The following CCDC60 variants were observed in gnomAD, a reference collection of about 807,000 sequenced individuals.
The protein encoded by CCDC60 is coiled-coil domain containing 60.
Under a neutral mutation model 63.5 loss-of-function variants are expected in CCDC60, and 54 were observed. The observed-to-expected ratio is 0.85, with a 90% confidence interval of 0.68 to 1.07. The LOEUF (loss-of-function observed/expected upper bound fraction) is 1.07, where lower values mean the gene tolerates loss of function less well. Among genes scored for constraint, CCDC60 ranks in the 50% least tolerant of loss-of-function variants. CCDC60 has a pLI of 0.00. For synonymous variants in CCDC60, 206 were observed against 238.8 expected, an observed-to-expected ratio of 0.86 and a Z score of 1.27; for missense variants, 651 against 684.3, an observed-to-expected ratio of 0.95 and a Z score of 0.54.
chr12:119,382,855 T>C (rs1344653919), intron 1 of CCDC60, among the ~76,000 whole-genome samples: 1 of 152,066 alleles, frequency 6.6e-6, no homozygotes, highest in East Asian at 1.9e-4. Context: ...CACCCACCCA[T>C]CCCAATACAC....
At chr12:119,424,635 CTATTTAACT>C (rs1265568061) in intron 1 of CCDC60, among the ~76,000 whole-genome samples, 28 of 152,142 alleles carry the variant, frequency 1.8e-4, no homozygotes, top group African/African-American at 4.6e-4. Context: ...TTTTAATCTA[CTATTTAACT>C]TATTTAACTT....
At chr12:119,438,490 T>G (rs1950371412) in intron 2 of CCDC60, among the ~76,000 whole-genome samples, 2 of 152,218 alleles carry the variant, frequency 1.3e-5, no homozygotes, top group Non-Finnish European at 2.9e-5. Flanking sequence ...AGCTGTGGGT[T>G]CAAATCCTAA....
At chr12:119,500,057 A>T (rs573012137) in intron 5 of CCDC60, 21 bp from the exon 6 acceptor site, 1 of 1,542,768 alleles carries the variant, frequency 6.5e-7, no homozygotes. Flanking sequence ...CGGAAAACTC[A>T]TTAAGCTGTT....
intron 3 of CCDC60, among the ~76,000 whole-genome samples, chr12:119,473,336 G>A (rs1201983766): frequency 6.6e-6 from 1 of 152,232 alleles, no homozygotes; most frequent in Non-Finnish European, 1.5e-5. Context: ...CCACTCTCCT[G>A]TGAGCGCAGC....
intron 1 of CCDC60, among the ~76,000 whole-genome samples, chr12:119,375,850 A>G (rs1317250943): frequency 6.6e-6 from 1 of 152,176 alleles, no homozygotes; most frequent in African/African-American, 2.4e-5. Context: ...TTCGAAATGA[A>G]TCAAGTCCTC....
chr12:119,399,525 T>A (rs1956348702), intron 1 of CCDC60, among the ~76,000 whole-genome samples: 1 of 152,172 alleles, frequency 6.6e-6, no homozygotes, highest in Non-Finnish European at 1.5e-5. Context: ...CTGCCAACAG[T>A]GCGTGTCGGG....
intron 1 of CCDC60, among the ~76,000 whole-genome samples, chr12:119,401,264 T>A (rs1956387099): frequency 1.3e-5 from 2 of 152,196 alleles, no homozygotes; most frequent in African/African-American, 2.4e-5. Context: ...TGACTCCCCA[T>A]CTACTTTGGC....
intron 13 of CCDC60, among the ~76,000 whole-genome samples, chr12:119,535,480 T>C (rs1304409214): frequency 6.6e-6 from 1 of 152,206 alleles, no homozygotes; most frequent in Non-Finnish European, 1.5e-5. Context: ...TGCTCTTGCT[T>C]GTCTAGTTCT....
intron 13 of CCDC60, among the ~76,000 whole-genome samples, chr12:119,534,744 C>A (rs1013439754): frequency 1.1e-4 from 17 of 152,148 alleles, no homozygotes; most frequent in African/African-American, 4.1e-4. Flanking sequence ...GTTGAACCAG[C>A]CTTGCATCCC....
At chr12:119,524,549 G>GGAGCTAA (rs1952627369) in intron 11 of CCDC60, 2 of 579,914 alleles carry the variant, frequency 3.4e-6, no homozygotes, top group Non-Finnish European at 4.4e-6. Flanking sequence ...TTTCCTTCTG[G>GGAGCTAA]GAGCTAACAG....
At chr12:119,507,451 TAC>T (rs1406671281) in intron 7 of CCDC60, among the ~76,000 whole-genome samples, 13 of 146,606 alleles carry the variant, frequency 8.9e-5, no homozygotes, top group Non-Finnish European at 1.6e-4. Flanking sequence ...CACATATATA[TAC>T]ATATATACAC....
intron 2 of CCDC60, among the ~76,000 whole-genome samples, chr12:119,434,965 A>G (rs1486647856): frequency 6.6e-6 from 1 of 152,238 alleles, no homozygotes; most frequent in Non-Finnish European, 1.5e-5. Context: ...AGAGCATCAC[A>G]TCCACTGCAT....
chr12:119,519,914 C>T (rs146488208), intron 8 of CCDC60, among the ~76,000 whole-genome samples: 1 of 151,666 alleles, frequency 6.6e-6, no homozygotes, highest in Non-Finnish European at 1.5e-5. Context: ...GCTTCTGGGG[C>T]CCCCCTCCAG....
intron 1 of CCDC60, among the ~76,000 whole-genome samples, chr12:119,406,586 C>T (rs1337404760): frequency 4.0e-5 from 6 of 151,396 alleles, no homozygotes; most frequent in Non-Finnish European, 5.9e-5. Flanking sequence ...AGAGAGAAAA[C>T]AGCATTTACA....
rs756060311 is a variant in CCDC60 at position 119,523,832 on chromosome 12, T to C, written c.1229+14T>C. On this transcript the variant is annotated intron_variant, in intron 11 of 13. Transcript: ENST00000327554. ...AATCCTCATGAAGTAAGCGCACATA[T>C]ATATCCATTCATTCAAACAGCATTC... 1 of 1,613,482 alleles carries C rather than the reference T, an allele frequency of 6.2e-7. No homozygotes were observed. Among genetic ancestry groups the C allele is most frequent in the South Asian group, 1.1e-5 (1 of 90,994 alleles).
chr12:119,426,285 T>C (rs1174669969), intron 1 of CCDC60, among the ~76,000 whole-genome samples: 1 of 152,178 alleles, frequency 6.6e-6, no homozygotes, highest in African/African-American at 2.4e-5. Context: ...AAGCCATCCA[T>C]ATGTTTTGTT....
chr12:119,456,058 A>AGAAG lies in CCDC60; in HGVS notation c.171-15933_171-15932insGGAA, dbSNP rs1237876260. Among the ~76,000 whole-genome samples the AGAAG allele has an allele frequency of 3.3e-5, 4 of 121,900 alleles. No homozygotes were observed. Among genetic ancestry groups the AGAAG allele is most frequent in the African/African-American group, 9.7e-5 (3 of 30,810 alleles). 80.0% of individuals were successfully genotyped at this position (121,900 alleles called of 152,430 possible). A position where few individuals can be genotyped will look rare whatever the true frequency, so the allele number is the denominator to read the frequency against. ...AAGAAAGAAAGAAAGAAAGAAAGAA[A>AGAAG]GAAAGCAAGCAAGCATGTGCAATTT... is the stretch of plus-strand genomic sequence containing the variant. On this transcript the variant is annotated intron_variant, in intron 2 of 13. Coordinates refer to ENST00000327554, the MANE Select transcript of CCDC60 (RefSeq NM_178499.5). This position sits in a 1 kb window ranked among gnomAD's most constrained non-coding sequence, Gnocchi z 4.6.
intron 2 of CCDC60, chr12:119,433,552 T>A: frequency 1.4e-6 from 1 of 702,364 alleles, no homozygotes. Flanking sequence ...AACACCATGT[T>A]TTCCAAGGGA....
intron 1 of CCDC60, among the ~76,000 whole-genome samples, chr12:119,335,839 A>G (rs1203765434): frequency 1.3e-5 from 2 of 150,872 alleles, no homozygotes; most frequent in Non-Finnish European, 3.0e-5. Context: ...TTTTGTTGCC[A>G]TTGCTTTTGG....
Sources: gnomAD v4.1 joint callset for allele counts (sites outside exome capture counted in the v4.1 genomes callset) on GRCh38, gnomAD v4.1.1 for gene constraint, Gnocchi (gnomAD v3.1) non-coding constraint, MANE v1.5 for transcripts, NCBI Gene and HGNC (gene_info 2026-07-23, HGNC 2026-07-21) for gene names.